TMEM267: variants seen among roughly 807,000 people sequenced by gnomAD.
TMEM267 encodes transmembrane protein C5orf28.
TMEM267 carries 20 observed loss-of-function variants against 19.3 expected under a neutral mutation model. The ratio of observed to expected loss-of-function variants is 1.04; its 90% CI spans 0.73 to 1.51. The LOEUF (loss-of-function observed/expected upper bound fraction) is 1.51, where lower values mean the gene tolerates loss of function less well. Ranked by LOEUF, TMEM267 falls within the 40% of genes most tolerant of loss-of-function variation. The probability of loss-of-function intolerance (pLI) is 0.00; values close to 1 mark genes in which losing one functional copy is unlikely to be tolerated. For synonymous variants in TMEM267, 88 were observed against 90.3 expected (o/e 0.97, Z 0.15); for missense variants, 242 against 261.9 (o/e 0.92, Z 0.52).
At chr5:43,483,038 A>T (rs909944987) in intron 1 of TMEM267, among the ~76,000 whole-genome samples, 2 of 152,242 alleles carry the variant, frequency 1.3e-5, no homozygotes, top group African/African-American at 4.8e-5. Context: ...AACCGCCTTT[A>T]TTATGCTTTA....
At chr5:43,476,508 C>CTTTTTTT (rs67848213) in intron 1 of TMEM267, among the ~76,000 whole-genome samples, 639 of 54,878 alleles carry the variant, frequency 0.012, 70 homozygotes, top group African/African-American at 0.047. Flanking sequence ...AAAGCCAGAC[C>CTTTTTTT]TTTTTTTTTT....
intron 1 of TMEM267, among the ~76,000 whole-genome samples, chr5:43,463,388 G>A (rs1383192640): frequency 6.6e-6 from 1 of 152,112 alleles, no homozygotes; most frequent in Non-Finnish European, 1.5e-5. Flanking sequence ...CATTCCTTCT[G>A]AAACTATTCC....
intron 2 of TMEM267, among the ~76,000 whole-genome samples, chr5:43,452,543 A>G (rs528945384): frequency 5.9e-5 from 9 of 151,880 alleles, no homozygotes; most frequent in African/African-American, 2.2e-4. Flanking sequence ...CCGCTATGCA[A>G]TACATACACG....
At chr5:43,468,525 G>A (rs1432115398) in intron 1 of TMEM267, among the ~76,000 whole-genome samples, 1 of 152,020 alleles carries the variant, frequency 6.6e-6, no homozygotes, top group Non-Finnish European at 1.5e-5. Flanking sequence ...AGTGAGGTTG[G>A]GCATTACAGA....
In TMEM267 at chr5:43,454,055, A is replaced by T; in HGVS notation, c.-74-12T>A. ...ACATTTCCAGCACCCTAAAGGAGAA[A>T]GTAGAGAAAAATATGAATGAAGATT... On this transcript the variant is annotated splice_polypyrimidine_tract_variant and intron_variant, in intron 1 of 2. Coordinates refer to ENST00000397080, the MANE Select transcript of TMEM267 (RefSeq NM_022483.5). The T allele has an allele frequency of 1.3e-6, 2 of 1,495,872 alleles. No individual in the cohort carries two copies. The highest frequency in any genetic ancestry group is 2.7e-5 in the South Asian group (2 of 73,062). The allele number at this position is 1,495,872 out of a possible 1,614,324, so 92.7% of individuals were successfully genotyped here.
At chr5:43,479,562 G>A (rs1435262012) in intron 1 of TMEM267, among the ~76,000 whole-genome samples, 1 of 151,554 alleles carries the variant, frequency 6.6e-6, no homozygotes, top group Non-Finnish European at 1.5e-5. Flanking sequence ...AACACTAATT[G>A]GTATTAATAA....
At position 43,453,735 on chromosome 5, in the gene TMEM267, C is replaced by A; in HGVS notation, c.235G>T (p.Glu79Ter). 6.2e-7 allele frequency: 1 copy of A among 1,614,068 alleles called. No homozygotes were observed. ...GCTAAAAATCCAGCTAAAATGATTT[C>A]TCCAAAGTCAGTCTTCTTCTTGATT... is the stretch of plus-strand genomic sequence containing the variant. ...TGIKKKTDFG[E>*]IILAGFLASV... The change falls in exon 2 of 3, where the codon GAA becomes TAA. Residue 79 changes from glutamate to a stop codon, truncating the protein, a stop_gained. Transcript: ENST00000397080. LOFTEE classifies it high-confidence loss of function.
At chr5:43,468,292 G>T (rs1422687221) in intron 1 of TMEM267, among the ~76,000 whole-genome samples, 1 of 152,108 alleles carries the variant, frequency 6.6e-6, no homozygotes, top group Non-Finnish European at 1.5e-5. Flanking sequence ...TGAATTCCTG[G>T]GAACTGCGGA....
intron 1 of TMEM267, among the ~76,000 whole-genome samples, chr5:43,456,288 T>C (rs1205595745): frequency 6.6e-6 from 1 of 152,106 alleles, no homozygotes; most frequent in East Asian, 1.9e-4. Flanking sequence ...TATCTCAAAA[T>C]GAATCACAAA....
intron 1 of TMEM267, among the ~76,000 whole-genome samples, chr5:43,478,350 G>T (rs1271601185): frequency 6.6e-6 from 1 of 152,136 alleles, no homozygotes; most frequent in Non-Finnish European, 1.5e-5. Flanking sequence ...TTGACTAGCT[G>T]CCTGGAAAAC....
intron 1 of TMEM267, among the ~76,000 whole-genome samples, chr5:43,463,467 C>G (rs1041914163): frequency 6.6e-6 from 1 of 152,134 alleles, no homozygotes; most frequent in East Asian, 1.9e-4. Context: ...GATACCAAAG[C>G]CTGGCAGAGA....
In TMEM267 at chr5:43,446,347, GAGA is replaced by G. The variant is rs771342363; in HGVS notation, c.520_522del (p.Ser174del). 2.3e-5 allele frequency: 37 copies of G among 1,613,860 alleles called. 2 individuals carry two copies. In the South Asian group the frequency reaches 3.7e-4, roughly 16 times the overall value. On this transcript the variant is annotated inframe_deletion, in exon 3 of 3. Transcript: ENST00000397080. ...ATTACATAAAGCCAGAATGGCAAAG[GAGA>G]AGTTTTTCCAAATGGGCATATCCAC...
chr5:43,465,434 A>G (rs983424495), intron 1 of TMEM267, among the ~76,000 whole-genome samples: 11 of 152,184 alleles, frequency 7.2e-5, no homozygotes, highest in African/African-American at 2.7e-4. Context: ...AACTAGAAAT[A>G]CCATTTGACC....
chr5:43,461,862 T>C (rs1345532556), intron 1 of TMEM267, among the ~76,000 whole-genome samples: 1 of 152,168 alleles, frequency 6.6e-6, no homozygotes, highest in Non-Finnish European at 1.5e-5. Flanking sequence ...CTGGGGGACC[T>C]CACTGCCCTG....
chr5:43,458,971 T>C (rs1359240727), intron 1 of TMEM267, among the ~76,000 whole-genome samples: 1 of 148,160 alleles, frequency 6.7e-6, no homozygotes, highest in Non-Finnish European at 1.5e-5. Context: ...TTTCCAAAAA[T>C]AAAGAGAAAA....
intron 1 of TMEM267, among the ~76,000 whole-genome samples, chr5:43,465,880 AC>A (rs1743630087): frequency 6.6e-6 from 1 of 152,028 alleles, no homozygotes; most frequent in Non-Finnish European, 1.5e-5. Context: ...GGTGCAGCAC[AC>A]CAACATGGCA....
At position 43,446,473 on chromosome 5, in the gene TMEM267, G is replaced by A. The variant is rs1742246264; in HGVS notation, c.397C>T (p.His133Tyr). The change falls in exon 3 of 3, where the codon CAC becomes TAC. Residue 133 changes from histidine (H) to tyrosine (Y), a missense_variant. By Grantham distance (83) the His-to-Tyr change is moderately conservative (BLOSUM62 2). Transcript: ENST00000397080. ...CATGAGTCTTTGAGCTTGAAAAGGTGCATAGTAAATTTCAGGGTCAGAACC... is the reference window on the plus strand; with the variant it reads ...CATGAGTCTTTGAGCTTGAAAAGGTACATAGTAAATTTCAGGGTCAGAACC... ...VVVLTLKFTM[H>Y]LFKLKDSWCF... 1.2e-6 allele frequency: 2 copies of A among 1,613,842 alleles called. No individual in the cohort carries two copies. The highest frequency in any genetic ancestry group is 1.7e-6 in the Non-Finnish European group (2 of 1,179,752).
At chr5:43,458,983 C>T (rs1288091412) in intron 1 of TMEM267, among the ~76,000 whole-genome samples, 4 of 144,826 alleles carry the variant, frequency 2.8e-5, no homozygotes, top group Non-Finnish European at 6.0e-5. Context: ...AAGAGAAAAC[C>T]TTTAGAGTTT....
intron 1 of TMEM267, among the ~76,000 whole-genome samples, chr5:43,476,508 CTTTTTTTTTTTTTTTTTTT>C (rs67848213): frequency 7.3e-5 from 4 of 54,798 alleles, no homozygotes; most frequent in Non-Finnish European, 1.3e-4. Flanking sequence ...AAAGCCAGAC[CTTTTTTTTTTTTTTTTTTT>C]TTTTTTTTTT....
Sources: gnomAD v4.1 joint callset for allele counts (sites outside exome capture counted in the v4.1 genomes callset) on GRCh38, gnomAD v4.1.1 for gene constraint, MANE v1.5 for transcripts, NCBI Gene and HGNC (gene_info 2026-07-23, HGNC 2026-07-21) for gene names.